EFHC1: variants seen among roughly 807,000 people sequenced by gnomAD.
EFHC1 encodes the protein EF-hand domain-containing protein 1.
Under a neutral mutation model 69.9 loss-of-function variants are expected in EFHC1, and 53 were observed. That is an observed-to-expected ratio of 0.76 (90% CI 0.61 to 0.95). EFHC1 has a LOEUF of 0.95. Among genes scored for constraint, EFHC1 ranks in the 40% least tolerant of loss-of-function variants. The pLI, the probability that EFHC1 is intolerant of heterozygous loss-of-function variation, is 0.00. For synonymous variants in EFHC1, 256 were observed against 278.4 expected (o/e 0.92, Z 0.80); for missense variants, 739 against 798.7 (o/e 0.93, Z 0.90).
At chr6:52,473,724 G>A (rs616248) in intron 7 of EFHC1, among the ~76,000 whole-genome samples, 11,370 of 152,086 alleles carry the variant, frequency 0.075, 879 homozygotes, top group African/African-American at 0.19. Flanking sequence ...GGAGGTTGCA[G>A]TGAGCCGAGA....
At chr6:52,452,651 C>A (rs373790688) in intron 3 of EFHC1, 37 bp from the exon 4 acceptor site, 6 of 1,610,634 alleles carry the variant, frequency 3.7e-6, no homozygotes, top group Non-Finnish European at 4.2e-6. Context: ...TGAAAAGCTC[C>A]AAGAAAGATG....
intron 3 of EFHC1, among the ~76,000 whole-genome samples, chr6:52,446,334 T>C (rs1317711338): frequency 6.6e-6 from 1 of 152,228 alleles, no homozygotes; most frequent in Non-Finnish European, 1.5e-5. Context: ...TTGTCTCTTT[T>C]GATCTTTCTT....
At chr6:52,477,294 G>C (rs1765564662) in intron 7 of EFHC1, among the ~76,000 whole-genome samples, 1 of 152,068 alleles carries the variant, frequency 6.6e-6, no homozygotes, top group Non-Finnish European at 1.5e-5. Flanking sequence ...ATTAGATGAA[G>C]GAATGATATG....
Position 52,452,750 on chromosome 6 carries a change from C to G in EFHC1, c.636C>G (p.Tyr212Ter). The stretch of plus-strand genomic sequence containing the variant: ...CAGAGAAGATGGCTCTTGATCCTTA[C>G]ACTGAACTCCGAAAACAGCCTCTTC... ...NPPEKMALDP[Y>*]TELRKQPLRK... The change falls in exon 4 of 11, where the codon TAC (tyrosine) becomes TAG (stop). Residue 212 changes from tyrosine (Y) to a stop codon, truncating the protein, a stop_gained. Coordinates refer to ENST00000371068, the MANE Select transcript of EFHC1 (RefSeq NM_018100.4). LOFTEE classifies it high-confidence loss of function. The G allele has an allele frequency of 6.2e-7, 1 of 1,614,222 alleles. No homozygotes were observed. Among genetic ancestry groups the G allele is most frequent in the Non-Finnish European group, 8.5e-7 (1 of 1,180,034 alleles).
intron 2 of EFHC1, among the ~76,000 whole-genome samples, chr6:52,426,482 A>C (rs1764303452): frequency 6.6e-6 from 1 of 152,090 alleles, no homozygotes; most frequent in Admixed American, 6.6e-5. Flanking sequence ...CATTCTTTAT[A>C]TAATTTTCTT....
rs533958578 is a variant in EFHC1 at position 52,442,499 on chromosome 6, A to G, written c.573+3908A>G. Among the ~76,000 whole-genome samples, 4 of 150,828 alleles carry G rather than the reference A, an allele frequency of 2.7e-5. No individual in the cohort carries two copies. In the South Asian group the frequency reaches 6.3e-4, roughly 24 times the overall value. On this transcript the variant is annotated intron_variant, in intron 3 of 10. Coordinates refer to ENST00000371068, the MANE Select transcript of EFHC1 (RefSeq NM_018100.4). ...TGTGATGTTCCCCACCCTGTGTCCA[A>G]GTGTTCTCATTGTTCAATTCCCACC... is the stretch of plus-strand genomic sequence containing the variant.
Position 52,495,325 on chromosome 6 carries a change from A to C in EFHC1, c.*2984A>C, listed in dbSNP as rs149842249. ...TCAAACCCTGAGTCTTTTAAAGTAT[A>C]CCCTCACTTAGCTTGCAGACCCAAG... On this transcript the variant is annotated 3_prime_UTR_variant, in exon 11 of 11. Transcript: ENST00000371068. The C allele has an allele frequency of 3.1e-3, 1,425 of 453,980 alleles. 20 individuals carry two copies. The highest frequency in any genetic ancestry group is 0.026 in the African/African-American group (1,287 of 50,060). The allele number at this position is 453,980 out of a possible 1,614,324, so 28.1% of individuals were successfully genotyped here.
chr6:52,453,588 T>C (rs1402916202), intron 4 of EFHC1: 3 of 1,272,556 alleles, frequency 2.4e-6, no homozygotes, highest in Non-Finnish European at 3.0e-6. Context: ...TATTTAAAGA[T>C]TGTGTTTATT....
intron 9 of EFHC1, chr6:52,488,583 A>G (rs1390583119): frequency 6.6e-6 from 1 of 152,226 alleles, no homozygotes; most frequent in Non-Finnish European, 1.5e-5. Context: ...GTGAAATGAA[A>G]TATTTGAAGA....
chr6:52,444,282 C>T (rs1299126595), intron 3 of EFHC1, among the ~76,000 whole-genome samples: 2 of 152,164 alleles, frequency 1.3e-5, no homozygotes, highest in East Asian at 3.8e-4. Flanking sequence ...CCCTTTATTT[C>T]TTTCTCTTGC....
rs1162328684 is a variant in EFHC1 at position 52,495,311 on chromosome 6, G to GTCTT, written c.*2972_*2975dup. 2.0e-5 allele frequency: 9 copies of GTCTT among 453,980 alleles called. No individual in the cohort carries two copies. Among genetic ancestry groups the GTCTT allele is most frequent in the African/African-American group, 1.8e-4 (9 of 50,004 alleles). 28.1% of individuals were successfully genotyped at this position (453,980 alleles called of 1,614,324 possible). A position where few individuals can be genotyped will look rare whatever the true frequency, so the allele number is the denominator to read the frequency against. On this transcript the variant is annotated 3_prime_UTR_variant, in exon 11 of 11. Transcript: ENST00000371068. ...GGGACAGACACATGTCAAACCCTGA[G>GTCTT]TCTTTTAAAGTATACCCTCACTTAG...
At chr6:52,447,270 C>CT (rs1374648292) in intron 3 of EFHC1, among the ~76,000 whole-genome samples, 2 of 152,152 alleles carry the variant, frequency 1.3e-5, no homozygotes, top group East Asian at 1.9e-4. Flanking sequence ...TCTTTTTACT[C>CT]TTTTTTCTCT....
chr6:52,454,296 G>T lies in EFHC1; in HGVS notation c.916+9G>T, dbSNP rs868309928. 3.7e-6 allele frequency: 6 copies of T among 1,613,958 alleles called. No individual in the cohort carries two copies. The Middle Eastern group carries it at 9.9e-4, about 266-fold the overall frequency. On this transcript the variant is annotated intron_variant, in intron 5 of 10. Transcript: ENST00000371068. ...TTTGGTGGAAAATGCAAGTATGTTT[G>T]ATTCAGTTTATTCTCTGTTACTTGG...
chr6:52,436,543 C>T (rs998567915), intron 2 of EFHC1, among the ~76,000 whole-genome samples: 1 of 152,178 alleles, frequency 6.6e-6, no homozygotes. Context: ...AATACTTTCT[C>T]TCCTTGAAAA....
intron 9 of EFHC1, chr6:52,482,524 T>TG (rs1765702644): frequency 3.0e-6 from 1 of 338,088 alleles, no homozygotes; most frequent in South Asian, 1.5e-4. Flanking sequence ...GAGCAGCACT[T>TG]GCCTACTTCT....
At chr6:52,453,923 G>C (rs1279160555) in intron 4 of EFHC1, 172 bp from the exon 5 acceptor site, 6 of 1,482,812 alleles carry the variant, frequency 4.0e-6, no homozygotes, top group East Asian at 2.7e-5. Context: ...CATAATTTCA[G>C]ATGTTTTAGT....
At chr6:52,427,292 C>T (rs1764321335) in intron 2 of EFHC1, among the ~76,000 whole-genome samples, 1 of 152,170 alleles carries the variant, frequency 6.6e-6, no homozygotes, top group Non-Finnish European at 1.5e-5. Flanking sequence ...GCTGGCCCTC[C>T]CTGCTCTCTC....
chr6:52,431,391 T>C (rs936587382), intron 2 of EFHC1, among the ~76,000 whole-genome samples: 4 of 152,170 alleles, frequency 2.6e-5, no homozygotes, highest in African/African-American at 4.8e-5. Context: ...GAGGCTTTGA[T>C]AGGTTGTGTC....
intron 8 of EFHC1, among the ~76,000 whole-genome samples, 185 bp downstream of exon 8, chr6:52,479,435 T>C (rs1283133791): frequency 6.6e-6 from 1 of 152,252 alleles, no homozygotes; most frequent in East Asian, 1.9e-4. Flanking sequence ...TTAAGTTGAT[T>C]GCATTTGTTG....
Sources: allele counts gnomAD v4.1 joint callset (sites outside exome capture counted in the v4.1 genomes callset), GRCh38; gene constraint gnomAD v4.1.1; transcripts MANE v1.5; gene names NCBI Gene and HGNC (gene_info 2026-07-23, HGNC 2026-07-21).